PCDHA7: variants seen among roughly 807,000 people sequenced by gnomAD.
PCDHA7 encodes the protein protocadherin alpha 7.
A neutral mutation model predicts 57.2 loss-of-function variants in PCDHA7; 37 were observed. The ratio of observed to expected loss-of-function variants is 0.65; its 90% CI spans 0.50 to 0.85. PCDHA7 has a LOEUF of 0.85. Among genes scored for constraint, PCDHA7 ranks in the 40% least tolerant of loss-of-function variants. The pLI is 0.00. For synonymous variants in PCDHA7, 553 were observed against 558.8 expected (o/e 0.99, Z 0.15); for missense variants, 1,188 against 1,241.8 (o/e 0.96, Z 0.65).
chr5:140,924,876 C>G (rs1380631161), intron 1 of PCDHA7, among the ~76,000 whole-genome samples: 1 of 144,704 alleles, frequency 6.9e-6, no homozygotes, highest in Non-Finnish European at 1.5e-5. Flanking sequence ...GCCTGGGTGA[C>G]AGAGCAAGAA....
intron 1 of PCDHA7, among the ~76,000 whole-genome samples, chr5:140,840,932 A>G (rs1391347019): frequency 1.3e-5 from 2 of 152,030 alleles, no homozygotes; most frequent in African/African-American, 2.4e-5. Flanking sequence ...AATTGATACG[A>G]TATTTGAAAT....
chr5:140,889,025 A>G (rs2062065518), intron 1 of PCDHA7, among the ~76,000 whole-genome samples: 1 of 152,068 alleles, frequency 6.6e-6, no homozygotes, highest in South Asian at 2.1e-4. Flanking sequence ...TTCCTTGGAT[A>G]ACCGTAATTT....
chr5:140,884,837 C>A, intron 1 of PCDHA7: 4 of 902,438 alleles, frequency 4.4e-6, no homozygotes, highest in Non-Finnish European at 6.3e-6. Flanking sequence ...GATTATCCTT[C>A]AGAGTGAAAT....
rs782072957 is a variant in PCDHA7, at chr5:140,870,352, G to A, written c.2355+33614G>A. ...GGACAGCGCCCTGGACCGCGAGAAC[G>A]TGTGGGCCTATGAACTGGTGGTGAC... On this transcript the variant is annotated intron_variant, in intron 1 of 3. Coordinates refer to ENST00000525929, the MANE Select transcript of PCDHA7 (RefSeq NM_018910.3). 36 of 1,614,108 alleles carry A rather than the reference G, an allele frequency of 2.2e-5. No homozygotes were observed. In the South Asian group the frequency reaches 3.2e-4, roughly 14 times the overall value.
chr5:140,886,317 G>A (rs1323122893), intron 1 of PCDHA7, among the ~76,000 whole-genome samples: 2 of 151,612 alleles, frequency 1.3e-5, no homozygotes, highest in Non-Finnish European at 2.9e-5. Context: ...TACACTTTAA[G>A]TTCTGGGATA....
intron 1 of PCDHA7, chr5:140,877,685 C>A (rs377753884): frequency 1.2e-6 from 2 of 1,613,628 alleles, no homozygotes; most frequent in Non-Finnish European, 1.7e-6. Context: ...GGCAAGCCCA[C>A]GCTGGTGTGC....
intron 1 of PCDHA7, chr5:140,928,443 G>A: frequency 6.2e-7 from 1 of 1,614,184 alleles, no homozygotes. Context: ...ACTTTGAGCA[G>A]CTCAGGGGGT....
intron 1 of PCDHA7, chr5:140,870,439 G>C (rs374343977): frequency 6.2e-7 from 1 of 1,614,126 alleles, no homozygotes; most frequent in African/African-American, 1.3e-5. Flanking sequence ...GGAGGTGGCC[G>C]ACGTGAACGA....
chr5:140,953,050 A>C (rs1169479924), intron 1 of PCDHA7, among the ~76,000 whole-genome samples: 1 of 152,122 alleles, frequency 6.6e-6, no homozygotes, highest in African/African-American at 2.4e-5. Flanking sequence ...TGATCCAATC[A>C]CCTCTCACAG....
intron 1 of PCDHA7, among the ~76,000 whole-genome samples, chr5:140,945,334 A>G (rs1352254498): frequency 6.6e-6 from 1 of 152,134 alleles, no homozygotes; most frequent in Non-Finnish European, 1.5e-5. Flanking sequence ...TTTTATGTTC[A>G]TAGCTTGGAA....
chr5:140,902,866 C>T (rs1449193268), intron 1 of PCDHA7, among the ~76,000 whole-genome samples: 1 of 152,186 alleles, frequency 6.6e-6, no homozygotes, highest in Non-Finnish European at 1.5e-5. Context: ...TCCAGGTCCA[C>T]CCAAGCTGCT....
chr5:140,925,084 AGGAAGGAAGGAAGGAAGGAAGGAG>A (rs1554202501), intron 1 of PCDHA7, among the ~76,000 whole-genome samples: 1 of 144,612 alleles, frequency 6.9e-6, no homozygotes, highest in Admixed American at 6.7e-5. Flanking sequence ...TCATCTGGAA[AGGAAGGAAGGAAGGAAGGAAGGAG>A]GGAAGGAAGG....
chr5:140,979,130 A>C, intron 2 of PCDHA7, 123 bp downstream of exon 2: 1 of 1,473,242 alleles, frequency 6.8e-7, no homozygotes, highest in Admixed American at 2.7e-5. Flanking sequence ...TTTGCCAGGA[A>C]AATGCAATTA....
chr5:140,897,561 G>A (rs1168105225), intron 1 of PCDHA7, among the ~76,000 whole-genome samples: 1 of 151,976 alleles, frequency 6.6e-6, no homozygotes, highest in Non-Finnish European at 1.5e-5. Flanking sequence ...GTGTATATGT[G>A]CCACATTTTC....
At chr5:140,906,158 C>G (rs1186216636) in intron 1 of PCDHA7, among the ~76,000 whole-genome samples, 1 of 152,140 alleles carries the variant, frequency 6.6e-6, no homozygotes, top group East Asian at 1.9e-4. Context: ...CACAGACACA[C>G]CCAGGAACAA....
Position 140,931,736 on chromosome 5 carries a change from G to T in PCDHA7, c.2356-47213G>T, listed in dbSNP as rs550065133. On this transcript the variant is annotated intron_variant, in intron 1 of 3. Transcript: ENST00000525929. ...TAACTTCTATAAATATGGGGTATTT[G>T]TAATTCACAAAGGCATTTGTTATTT... is the stretch of plus-strand genomic sequence containing the variant. Among the ~76,000 whole-genome samples, 307 of 152,008 alleles carry T rather than the reference G, an allele frequency of 2.0e-3. 3 individuals carry two copies. The highest frequency in any genetic ancestry group is 7.2e-3 in the African/African-American group (300 of 41,524).
rs782346022 is a variant in PCDHA7 at position 140,877,702 on chromosome 5, G to A, written c.2355+40964G>A. On this transcript the variant is annotated intron_variant, in intron 1 of 3. Coordinates refer to ENST00000525929, the MANE Select transcript of PCDHA7 (RefSeq NM_018910.3). Reference sequence around the variant, plus strand: ...CAAGCCCACGCTGGTGTGCTCCAGCGCCGTGGGGAGTTGGTCTTACTCGCA... The same window carrying A: ...CAAGCCCACGCTGGTGTGCTCCAGCACCGTGGGGAGTTGGTCTTACTCGCA... 52 of 1,613,876 alleles carry A rather than the reference G, an allele frequency of 3.2e-5. No homozygotes were observed. In the Admixed American group the frequency reaches 8.7e-4, roughly 27 times the overall value.
Position 141,010,819 on chromosome 5 carries a change from TG to T in PCDHA7, c.*883del, listed in dbSNP as rs2098418471. ...AAAACCCCGACACCTCACCTTTCGCTGTTTGTTGTTTCATAGATTTATTTAA... is the reference window on the plus strand; with the variant it reads ...AAAACCCCGACACCTCACCTTTCGCTTTTGTTGTTTCATAGATTTATTTAA... On this transcript the variant is annotated 3_prime_UTR_variant, in exon 4 of 4. Coordinates refer to ENST00000525929, the MANE Select transcript of PCDHA7 (RefSeq NM_018910.3). The T allele has an allele frequency of 6.5e-6, 1 of 153,784 alleles. No individual in the cohort carries two copies. The highest frequency in any genetic ancestry group is 2.1e-4 in the South Asian group (1 of 4,838). 9.5% of individuals were successfully genotyped at this position (153,784 alleles called of 1,614,324 possible).
intron 1 of PCDHA7, chr5:140,927,894 C>A (rs372774238): frequency 1.2e-6 from 2 of 1,614,208 alleles, no homozygotes; most frequent in East Asian, 2.2e-5. Context: ...CTGACGTGAA[C>A]GATCATGCCC....
Sources: allele counts gnomAD v4.1 joint callset (sites outside exome capture counted in the v4.1 genomes callset), GRCh38; gene constraint gnomAD v4.1.1; transcripts MANE v1.5; gene names NCBI Gene and HGNC (gene_info 2026-07-23, HGNC 2026-07-21).